The following CREB5 variants were observed in gnomAD, a reference collection of about 807,000 sequenced individuals.
The protein encoded by CREB5 is cAMP responsive element binding protein 5.
CREB5 carries 19 observed loss-of-function variants against 57.1 expected under a neutral mutation model. That is an observed-to-expected ratio of 0.33 (90% CI 0.23 to 0.49). CREB5 has a LOEUF of 0.49. Ranked by LOEUF, CREB5 falls within the 20% of genes least tolerant of loss-of-function variation. The pLI is 0.99. For synonymous variants in CREB5, 238 were observed against 238.3 expected (o/e 1.00, Z 0.01); for missense variants, 579 against 671.6 (o/e 0.86, Z 1.52).
At chr7:28,707,201 A>C (rs542098838) in intron 5 of CREB5, among the ~76,000 whole-genome samples, 5 of 152,292 alleles carry the variant, frequency 3.3e-5, no homozygotes, top group African/African-American at 1.2e-4. Flanking sequence ...AATTTAGAAC[A>C]ATATAGCTTT....
chr7:28,393,150 C>A (rs1787257171), intron 1 of CREB5, among the ~76,000 whole-genome samples: 1 of 152,198 alleles, frequency 6.6e-6, no homozygotes, highest in African/African-American at 2.4e-5. Context: ...TGGTCTTGAA[C>A]TCCTCACCTC....
At chr7:28,794,304 G>A (rs1034904648) in intron 7 of CREB5, among the ~76,000 whole-genome samples, 5 of 152,146 alleles carry the variant, frequency 3.3e-5, no homozygotes, top group Non-Finnish European at 7.4e-5. Flanking sequence ...GCAAGACAAA[G>A]GGCATTATTC....
At chr7:28,787,798 C>T (rs1234524923) in intron 7 of CREB5, among the ~76,000 whole-genome samples, 8 of 152,178 alleles carry the variant, frequency 5.3e-5, no homozygotes, top group East Asian at 1.9e-4. Flanking sequence ...AAGCAATCTT[C>T]GCACCTTGGC....
At chr7:28,653,863 C>T (rs1483874480) in intron 5 of CREB5, among the ~76,000 whole-genome samples, 4 of 152,222 alleles carry the variant, frequency 2.6e-5, no homozygotes, top group Non-Finnish European at 5.9e-5. Context: ...TCTGGCAAAG[C>T]AAGTACAACT....
intron 1 of CREB5, among the ~76,000 whole-genome samples, chr7:28,304,572 G>T (rs1470107392): frequency 2.6e-5 from 4 of 152,146 alleles, no homozygotes; most frequent in Non-Finnish European, 5.9e-5. Context: ...CCACAAACTT[G>T]TTCCTATCTC....
chr7:28,509,555 C>G (rs1353231511), intron 4 of CREB5, among the ~76,000 whole-genome samples: 1 of 152,180 alleles, frequency 6.6e-6, no homozygotes, highest in African/African-American at 2.4e-5. Context: ...TACTTCCTCC[C>G]TAGACCAGAC....
chr7:28,556,931 T>C (rs1472865732), intron 4 of CREB5, among the ~76,000 whole-genome samples: 1 of 152,160 alleles, frequency 6.6e-6, no homozygotes, highest in Non-Finnish European at 1.5e-5. Flanking sequence ...CCCCACATGG[T>C]TCTCTCTTCT....
intron 4 of CREB5, among the ~76,000 whole-genome samples, chr7:28,530,233 C>A (rs762055715): frequency 6.6e-6 from 1 of 150,928 alleles, no homozygotes; most frequent in South Asian, 2.2e-4. Flanking sequence ...TCTGATCCAA[C>A]CCACATTGGT....
intron 1 of CREB5, among the ~76,000 whole-genome samples, chr7:28,367,983 A>G (rs76431080): frequency 6.6e-6 from 1 of 152,078 alleles, no homozygotes; most frequent in Non-Finnish European, 1.5e-5. Flanking sequence ...CCCTGCTTTC[A>G]TTCTGCCATA....
At chr7:28,628,032 T>C (rs1439045825) in intron 5 of CREB5, among the ~76,000 whole-genome samples, 1 of 152,120 alleles carries the variant, frequency 6.6e-6, no homozygotes, top group African/African-American at 2.4e-5. Context: ...AATGCCTCTC[T>C]TTTCCAGTTA....
chr7:28,716,067 C>T (rs1207019435), intron 5 of CREB5, among the ~76,000 whole-genome samples: 1 of 152,068 alleles, frequency 6.6e-6, no homozygotes, highest in Non-Finnish European at 1.5e-5. Context: ...AATAAAAACT[C>T]ATTTTAAATG....
chr7:28,662,908 A>T (rs1238084525), intron 5 of CREB5, among the ~76,000 whole-genome samples: 1 of 151,974 alleles, frequency 6.6e-6, no homozygotes, highest in African/African-American at 2.4e-5. Flanking sequence ...GCACTTTGGG[A>T]GGCTTAGGTG....
chr7:28,485,007 C>A (rs569949865), intron 1 of CREB5, among the ~76,000 whole-genome samples: 9 of 152,300 alleles, frequency 5.9e-5, no homozygotes, highest in African/African-American at 1.9e-4. Context: ...TAAGATAAGG[C>A]AAACCATGTT....
intron 1 of CREB5, among the ~76,000 whole-genome samples, chr7:28,352,367 T>G (rs984121624): frequency 4.6e-5 from 7 of 152,240 alleles, no homozygotes; most frequent in Non-Finnish European, 8.8e-5. Flanking sequence ...ACTGCGCACC[T>G]CTGCTTACAG....
chr7:28,537,394 T>C (rs1794008302), intron 4 of CREB5, among the ~76,000 whole-genome samples: 1 of 150,868 alleles, frequency 6.6e-6, no homozygotes, highest in African/African-American at 2.4e-5. Context: ...TTTTTTAACA[T>C]AGCACAGTAT....
intron 4 of CREB5, among the ~76,000 whole-genome samples, chr7:28,512,949 A>G (rs1456229604): frequency 1.3e-5 from 2 of 152,242 alleles, no homozygotes; most frequent in Non-Finnish European, 2.9e-5. Context: ...ACTGTTTAAC[A>G]CATGGAACAA....
intron 4 of CREB5, among the ~76,000 whole-genome samples, chr7:28,560,963 T>TGCGCGCGCGTGC (rs1194418363): frequency 2.1e-5 from 1 of 48,108 alleles, no homozygotes; most frequent in Non-Finnish European, 3.9e-5. Context: ...TGTGTGTGCG[T>TGCGCGCGCGTGC]GTGTGTGTGC....
At chr7:28,567,126 G>A (rs767871313) in intron 4 of CREB5, among the ~76,000 whole-genome samples, 27 of 152,156 alleles carry the variant, frequency 1.8e-4, no homozygotes, top group Non-Finnish European at 3.4e-4. Context: ...TTGAGCCAAA[G>A]TGCTCAAAGA....
At chr7:28,301,675 A>G (rs1319563920) in intron 1 of CREB5, among the ~76,000 whole-genome samples, 2 of 152,218 alleles carry the variant, frequency 1.3e-5, no homozygotes, top group African/African-American at 4.8e-5. Flanking sequence ...CCTGGCTATG[A>G]ATTTCTGTTG....
Sources: allele counts gnomAD v4.1 joint callset (sites outside exome capture counted in the v4.1 genomes callset), GRCh38; gene constraint gnomAD v4.1.1; transcripts MANE v1.5; gene names NCBI Gene and HGNC (gene_info 2026-07-23, HGNC 2026-07-21).